Variants in MTDH observed in about 807,000 individuals in gnomAD.
MTDH encodes protein LYRIC.
MTDH carries 34 observed loss-of-function variants against 72.7 expected under a neutral mutation model. The observed-to-expected ratio is 0.47, with a 90% CI of 0.36 to 0.62. MTDH has a LOEUF of 0.62. MTDH is among the 20% of genes least tolerant of loss of function. MTDH has a pLI of 0.00. For synonymous variants in MTDH, 266 were observed against 268.9 expected (o/e 0.99, Z 0.10); for missense variants, 677 against 699.4 (o/e 0.97, Z 0.36).
chr8:97,708,264 C>CTTTTTTTTT (rs71271145), intron 8 of MTDH, among the ~76,000 whole-genome samples: 25 of 32,068 alleles, frequency 7.8e-4, no homozygotes, highest in African/African-American at 1.4e-3. Flanking sequence ...CATGCCAGGC[C>CTTTTTTTTT]TTTTTTTTTT....
intron 2 of MTDH, among the ~76,000 whole-genome samples, chr8:97,681,753 A>G (rs1813084230): frequency 6.6e-6 from 1 of 152,042 alleles, no homozygotes. Context: ...TCAGCCTTCC[A>G]GGTGCTGGGA....
chr8:97,657,565 G>A (rs1368658610), intron 1 of MTDH, among the ~76,000 whole-genome samples: 1 of 151,814 alleles, frequency 6.6e-6, no homozygotes, highest in East Asian at 1.9e-4. Flanking sequence ...GTACAGTGGT[G>A]CAGTCACAGC....
chr8:97,661,203 C>T, intron 2 of MTDH, 30 bp downstream of exon 2: 2 of 1,458,732 alleles, frequency 1.4e-6, no homozygotes, highest in Non-Finnish European at 1.9e-6. Context: ...AAATTGTATG[C>T]AAGACTCTTA....
chr8:97,717,814 A>G (rs1586283851), intron 9 of MTDH, among the ~76,000 whole-genome samples: 1 of 152,262 alleles, frequency 6.6e-6, no homozygotes, highest in East Asian at 1.9e-4. Context: ...CAGTGGCACG[A>G]TCTTGGCTCA....
At chr8:97,707,319 T>C (rs1237165271) in intron 8 of MTDH, among the ~76,000 whole-genome samples, 1 of 151,844 alleles carries the variant, frequency 6.6e-6, no homozygotes. Context: ...CCGGCTAATT[T>C]TTGTGTATTT....
intron 2 of MTDH, among the ~76,000 whole-genome samples, chr8:97,682,591 G>A (rs561525831): frequency 3.1e-4 from 47 of 151,300 alleles, no homozygotes; most frequent in African/African-American, 8.7e-4. Flanking sequence ...GTGAGCCACC[G>A]CACCTGGCCT....
chr8:97,671,340 G>A (rs903491663), intron 2 of MTDH, among the ~76,000 whole-genome samples: 5 of 152,058 alleles, frequency 3.3e-5, no homozygotes, highest in African/African-American at 1.2e-4. Context: ...TCAAAATAAT[G>A]TGTTGCAGTA....
intron 2 of MTDH, among the ~76,000 whole-genome samples, chr8:97,677,733 A>T (rs918716563): frequency 2.6e-5 from 4 of 152,224 alleles, no homozygotes; most frequent in African/African-American, 9.6e-5. Flanking sequence ...AGCTAATGGT[A>T]TTCTGAAACT....
intron 10 of MTDH, 82 bp downstream of exon 10, chr8:97,719,271 G>T: frequency 7.0e-7 from 1 of 1,419,262 alleles, no homozygotes; most frequent in Non-Finnish European, 9.6e-7. Context: ...AAGGTGGGCA[G>T]GTCATGAGGT....
At chr8:97,645,303 T>C (rs1236157127) in intron 1 of MTDH, among the ~76,000 whole-genome samples, 1 of 152,166 alleles carries the variant, frequency 6.6e-6, no homozygotes, top group African/African-American at 2.4e-5. Flanking sequence ...GACAGATGTC[T>C]ATCTCAAGTC....
chr8:97,657,106 A>G lies in MTDH; in HGVS notation c.382-3966A>G, dbSNP rs375396969. Among the ~76,000 whole-genome samples the G allele has an allele frequency of 1.4e-4, 21 of 152,050 alleles. No individual in the cohort carries two copies. The South Asian group carries it at 2.9e-3, about 21-fold the overall frequency. ...ATAGATATCCTCATTCTGGTTTACT[A>G]CCACCCCTGCCAGCACATACATACA... On this transcript the variant is annotated intron_variant, in intron 1 of 11. Coordinates refer to ENST00000336273, the MANE Select transcript of MTDH (RefSeq NM_178812.4).
chr8:97,695,710 A>T (rs929729618), intron 6 of MTDH, among the ~76,000 whole-genome samples: 2 of 152,186 alleles, frequency 1.3e-5, no homozygotes, highest in African/African-American at 4.8e-5. Context: ...GTTCAGACAG[A>T]TCTATTAGGT....
At chr8:97,710,478 T>G (rs1344753380) in intron 8 of MTDH, among the ~76,000 whole-genome samples, 2 of 151,296 alleles carry the variant, frequency 1.3e-5, no homozygotes, top group Non-Finnish European at 2.9e-5. Flanking sequence ...TCACCCGAGG[T>G]CGGGAGTTTG....
At chr8:97,721,174 G>T (rs759956286) in intron 10 of MTDH, among the ~76,000 whole-genome samples, 1 of 152,128 alleles carries the variant, frequency 6.6e-6, no homozygotes, top group Non-Finnish European at 1.5e-5. Context: ...AGCCATGGTG[G>T]CTCACGCCTG....
At chr8:97,697,620 C>T (rs1813920837) in intron 6 of MTDH, among the ~76,000 whole-genome samples, 1 of 151,934 alleles carries the variant, frequency 6.6e-6, no homozygotes, top group African/African-American at 2.4e-5. Context: ...CTCTTTACCT[C>T]GTGATCCACC....
In MTDH at chr8:97,644,375, C is replaced by A; in HGVS notation, c.-132C>A. ...CGGTGGCAGCGGCCGATCCCCGGCTCCGGCGCGAGGGACGGCCGCGATGCG... is the reference window on the plus strand; with the variant it reads ...CGGTGGCAGCGGCCGATCCCCGGCTACGGCGCGAGGGACGGCCGCGATGCG... On this transcript the variant is annotated 5_prime_UTR_variant, in exon 1 of 12. Coordinates refer to ENST00000336273, the MANE Select transcript of MTDH (RefSeq NM_178812.4). 7.8e-7 allele frequency: 1 copy of A among 1,278,164 alleles called. No homozygotes were observed. Among genetic ancestry groups the A allele is most frequent in the East Asian group, 3.0e-5 (1 of 33,228 alleles). The allele number at this position is 1,278,164 out of a possible 1,614,324, so 79.2% of individuals were successfully genotyped here. A position where few individuals can be genotyped will look rare whatever the true frequency, so the allele number is the denominator to read the frequency against.
In MTDH at chr8:97,690,941, TTTTC is replaced by T; in HGVS notation, c.812-7_812-4del. On this transcript the variant is annotated splice_region_variant and splice_polypyrimidine_tract_variant and intron_variant, in intron 5 of 11. Coordinates refer to ENST00000336273, the MANE Select transcript of MTDH (RefSeq NM_178812.4). ...TACCTGTTTTTTAATATTCATTTTC[TTTTC>T]TTTAAGTTTCTTCAGGATTGAATGA... 1 of 1,580,754 alleles carries T rather than the reference TTTTC, an allele frequency of 6.3e-7. No individual in the cohort carries two copies. Among genetic ancestry groups the T allele is most frequent in the Non-Finnish European group, 8.6e-7 (1 of 1,162,814 alleles).
chr8:97,655,601 G>C (rs1811940204), intron 1 of MTDH, among the ~76,000 whole-genome samples: 1 of 152,166 alleles, frequency 6.6e-6, no homozygotes, highest in Admixed American at 6.6e-5. Context: ...ATAAAAAAAT[G>C]GCCCAAATGC....
chr8:97,644,564 C>G lies in MTDH; in HGVS notation c.58C>G (p.Arg20Gly). Residue 20 changes from arginine to glycine, a missense_variant, in exon 1 of 12, where the codon CGG becomes GGG. Arg to Gly is a moderately radical substitution (Grantham distance 125, BLOSUM62 -2). This residue lies in a region of MTDH where 467 missense variants were observed against 469.1 expected (regional missense o/e 1.00). Transcript: ENST00000336273. Reference sequence around the variant, plus strand: ...CCAGCAGGCCGAGGAGGGCTCGGCCCGGCTGCGGGAAATGCTCTCGGTCGG... The same window carrying G: ...CCAGCAGGCCGAGGAGGGCTCGGCCGGGCTGCGGGAAATGCTCTCGGTCGG... ...LAQQAEEGSA[R>G]LREMLSVGLG... 3.1e-6 allele frequency: 5 copies of G among 1,604,358 alleles called. No individual in the cohort carries two copies. The highest frequency in any genetic ancestry group is 3.4e-6 in the Non-Finnish European group (4 of 1,178,328).
Sources: gnomAD v4.1 joint callset for allele counts (sites outside exome capture counted in the v4.1 genomes callset) on GRCh38, gnomAD v4.1.1 for gene constraint, gnomAD v4.1.1 regional missense constraint, MANE v1.5 for transcripts, NCBI Gene and HGNC (gene_info 2026-07-23, HGNC 2026-07-21) for gene names.